MYO10: variants seen among roughly 807,000 people sequenced by gnomAD.
MYO10 encodes the protein unconventional myosin-X.
In MYO10, 133 loss-of-function variants were observed where a neutral mutation model predicts 257.3. That is an observed-to-expected ratio of 0.52 (90% CI 0.45 to 0.60). The LOEUF (loss-of-function observed/expected upper bound fraction) is 0.60, where lower values mean the gene tolerates loss of function less well. Ranked by LOEUF, MYO10 falls within the 20% of genes least tolerant of loss-of-function variation. MYO10 has a pLI of 0.00. For missense variants in MYO10, 2,399 were observed against 2,635.7 expected, an observed-to-expected ratio of 0.91 and a Z score of 1.97; for synonymous variants, 1,104 against 1,028.6, an observed-to-expected ratio of 1.07 and a Z score of -1.40.
At chr5:16,690,432 C>A (rs11747522) in intron 27 of MYO10, among the ~76,000 whole-genome samples, 1 of 152,108 alleles carries the variant, frequency 6.6e-6, no homozygotes, top group South Asian at 2.1e-4. Context: ...CTAGGGGGAG[C>A]CAGTCTCATC....
intron 3 of MYO10, among the ~76,000 whole-genome samples, chr5:16,816,246 G>A (rs1158980384): frequency 2.0e-5 from 3 of 150,314 alleles, no homozygotes; most frequent in African/African-American, 7.4e-5. Context: ...GGCTGAGGCA[G>A]GAGAATCACT....
intron 2 of MYO10, among the ~76,000 whole-genome samples, chr5:16,825,865 C>T (rs1425655522): frequency 6.6e-6 from 1 of 151,848 alleles, no homozygotes; most frequent in Non-Finnish European, 1.5e-5. Context: ...CAAAACCAGG[C>T]CGGGCACGGT....
intron 19 of MYO10, among the ~76,000 whole-genome samples, chr5:16,741,445 A>G (rs1740014830): frequency 6.6e-6 from 1 of 152,298 alleles, no homozygotes; most frequent in South Asian, 2.1e-4. Context: ...CAGTGTATAA[A>G]CTCTTAAAGA....
chr5:16,920,410 G>A (rs138769238), intron 1 of MYO10, among the ~76,000 whole-genome samples: 79 of 152,340 alleles, frequency 5.2e-4, no homozygotes, highest in African/African-American at 1.8e-3. Flanking sequence ...AAGAAAGTCC[G>A]TCTCAAAAGA....
At chr5:16,874,150 C>T (rs531930272) in intron 2 of MYO10, among the ~76,000 whole-genome samples, 30 of 151,836 alleles carry the variant, frequency 2.0e-4, no homozygotes, top group Non-Finnish European at 3.4e-4. Flanking sequence ...CTGGCTAACA[C>T]GGTGAAACCC....
chr5:16,896,198 C>G (rs991454831), intron 1 of MYO10, among the ~76,000 whole-genome samples: 2 of 152,192 alleles, frequency 1.3e-5, no homozygotes, highest in Non-Finnish European at 2.9e-5. Context: ...ATGGCTCAAG[C>G]CTGTAATCCC....
chr5:16,741,773 T>C, intron 19 of MYO10: 1 of 981,332 alleles, frequency 1.0e-6, no homozygotes, highest in Non-Finnish European at 1.2e-6. Flanking sequence ...ATGAAACTTT[T>C]AAGCAGAACA....
chr5:16,855,121 TA>T (rs942031146), intron 2 of MYO10, among the ~76,000 whole-genome samples: 6 of 152,200 alleles, frequency 3.9e-5, no homozygotes, highest in African/African-American at 1.4e-4. Flanking sequence ...TCCTAGGTGC[TA>T]AAATGTGGCT....
chr5:16,884,670 T>C (rs1373442424), intron 1 of MYO10, among the ~76,000 whole-genome samples: 16 of 147,730 alleles, frequency 1.1e-4, no homozygotes, highest in Non-Finnish European at 1.1e-4. Flanking sequence ...TTTTTTTTTT[T>C]CCTTCTGTTG....
At chr5:16,748,212 G>C (rs1403640564) in intron 19 of MYO10, among the ~76,000 whole-genome samples, 2 of 151,934 alleles carry the variant, frequency 1.3e-5, no homozygotes, top group Non-Finnish European at 2.9e-5. Context: ...CGGGACTACA[G>C]GTGTACACTA....
intron 10 of MYO10, among the ~76,000 whole-genome samples, chr5:16,767,778 A>G (rs1740917201): frequency 6.6e-6 from 1 of 152,062 alleles, no homozygotes; most frequent in Admixed American, 6.6e-5. Context: ...CCCAGGTTCA[A>G]GAGATTCTCG....
chr5:16,762,968 G>GAA (rs35384200), intron 14 of MYO10, among the ~76,000 whole-genome samples: 2,245 of 117,496 alleles, frequency 0.019, 56 homozygotes, highest in African/African-American at 0.067. Flanking sequence ...CGTCTCAGGG[G>GAA]AAAAAAAAAA....
intron 2 of MYO10, 54 bp from the exon 3 acceptor site, chr5:16,818,221 C>T (rs1162484521): frequency 2.2e-6 from 3 of 1,367,034 alleles, no homozygotes; most frequent in Non-Finnish European, 2.9e-6. Flanking sequence ...AGTGATTTTT[C>T]ACACAAGTTT....
chr5:16,678,395 C>G (rs952259935), intron 33 of MYO10, among the ~76,000 whole-genome samples: 2 of 152,032 alleles, frequency 1.3e-5, no homozygotes, highest in Non-Finnish European at 2.9e-5. Context: ...GCCTGGCCAA[C>G]ATGGTGAAAC....
Position 16,848,156 on chromosome 5 carries a change from T to TTTTTTTTTTTTTTTC in MYO10, c.120+29452_120+29453insGAAAAAAAAAAAAAA, listed in dbSNP as rs1491518038. On this transcript the variant is annotated intron_variant, in intron 2 of 40. Transcript: ENST00000513610. Reference sequence around the variant, plus strand: ...GATTAAGCAAAGAACTACACATTTCTTTTTTTTTTTTTTTTTTGTGAGAGA... The same window carrying TTTTTTTTTTTTTTTC: ...GATTAAGCAAAGAACTACACATTTCTTTTTTTTTTTTTTTCTTTTTTTTTTTTTTTTTGTGAGAGA... Among the ~76,000 whole-genome samples the TTTTTTTTTTTTTTTC allele has an allele frequency of 2.6e-3, 270 of 104,998 alleles. 10 individuals are homozygous for TTTTTTTTTTTTTTTC. Among genetic ancestry groups the TTTTTTTTTTTTTTTC allele is most frequent in the African/African-American group, 0.011 (244 of 23,040 alleles). The allele number at this position is 104,998 out of a possible 152,430, so 68.9% of individuals were successfully genotyped here. A position where few individuals can be genotyped will look rare whatever the true frequency, so the allele number is the denominator to read the frequency against.
At chr5:16,789,547 GGA>G (rs1354289338) in intron 4 of MYO10, among the ~76,000 whole-genome samples, 2 of 152,154 alleles carry the variant, frequency 1.3e-5, no homozygotes, top group Non-Finnish European at 2.9e-5. Context: ...TAGCACTTTG[GGA>G]GGCTGAGGCA....
intron 18 of MYO10, among the ~76,000 whole-genome samples, 160 bp downstream of exon 18, chr5:16,757,958 C>T (rs562294483): frequency 6.6e-6 from 1 of 152,364 alleles, no homozygotes; most frequent in South Asian, 2.1e-4. Flanking sequence ...AGCCAAAACT[C>T]TATTTTATTT....
At chr5:16,912,494 T>C (rs771379007) in intron 1 of MYO10, among the ~76,000 whole-genome samples, 1 of 152,124 alleles carries the variant, frequency 6.6e-6, no homozygotes, top group Non-Finnish European at 1.5e-5. Flanking sequence ...GTCTCAATAC[T>C]GGTTTTGAAA....
intron 39 of MYO10, 112 bp downstream of exon 39, chr5:16,670,414 T>A (rs189833414): frequency 1.3e-4 from 124 of 947,176 alleles, no homozygotes; most frequent in African/African-American, 9.6e-4. Flanking sequence ...ATAAAAGAGG[T>A]TGAGAGAGCA....
Sources: gnomAD v4.1 joint callset for allele counts (sites outside exome capture counted in the v4.1 genomes callset) on GRCh38, gnomAD v4.1.1 for gene constraint, MANE v1.5 for transcripts, NCBI Gene and HGNC (gene_info 2026-07-23, HGNC 2026-07-21) for gene names.